Variants in PCDH9 observed in about 807,000 individuals in gnomAD.
PCDH9 encodes protocadherin-9.
Under a neutral mutation model 70.6 loss-of-function variants are expected in PCDH9, and 24 were observed. That is an observed-to-expected ratio of 0.34 (90% CI 0.25 to 0.48). The LOEUF (loss-of-function observed/expected upper bound fraction) is 0.48, where lower values mean the gene tolerates loss of function less well. Ranked by LOEUF, PCDH9 falls within the 20% of genes least tolerant of loss-of-function variation. The pLI, the probability that PCDH9 is intolerant of heterozygous loss-of-function variation, is 0.99. For missense variants in PCDH9, 1,281 were observed against 1,503.6 expected (o/e 0.85, Z 2.45); for synonymous variants, 562 against 558.5 (o/e 1.01, Z -0.09).
intron 2 of PCDH9, among the ~76,000 whole-genome samples, chr13:67,010,088 T>C (rs1366738741): frequency 1.3e-5 from 2 of 152,006 alleles, no homozygotes; most frequent in African/African-American, 4.8e-5. Context: ...TAAAAGCTTA[T>C]ATTTATTGAA....
chr13:66,798,465 T>C (rs1339023503), intron 3 of PCDH9, among the ~76,000 whole-genome samples: 2 of 152,050 alleles, frequency 1.3e-5, no homozygotes, highest in Non-Finnish European at 2.9e-5. Context: ...GTTCCAGAGA[T>C]AAGTGGTTCA....
At chr13:66,610,250 G>C (rs2138868877) in intron 4 of PCDH9, among the ~76,000 whole-genome samples, 1 of 152,182 alleles carries the variant, frequency 6.6e-6, no homozygotes, top group South Asian at 2.1e-4. Flanking sequence ...GGAAAAAAGA[G>C]AGAGAGCAAC....
intron 2 of PCDH9, among the ~76,000 whole-genome samples, chr13:66,962,094 A>C (rs1409340761): frequency 1.3e-5 from 2 of 152,106 alleles, no homozygotes; most frequent in African/African-American, 4.8e-5. Context: ...AGAAAAAAAA[A>C]CATAGATATC....
At chr13:66,943,163 C>A (rs934485704) in intron 2 of PCDH9, among the ~76,000 whole-genome samples, 11 of 151,924 alleles carry the variant, frequency 7.2e-5, no homozygotes, top group African/African-American at 2.7e-4. Flanking sequence ...CAGGTTGTTA[C>A]CTTCATATGC....
intron 2 of PCDH9, among the ~76,000 whole-genome samples, chr13:66,966,979 A>C (rs1346832743): frequency 6.6e-6 from 1 of 152,068 alleles, no homozygotes; most frequent in Non-Finnish European, 1.5e-5. Flanking sequence ...CAAATATATG[A>C]ATAAATAAAC....
chr13:66,893,377 GA>G (rs1487466013), intron 3 of PCDH9, among the ~76,000 whole-genome samples: 1 of 152,136 alleles, frequency 6.6e-6, no homozygotes, highest in African/African-American at 2.4e-5. Flanking sequence ...ATTTTTGTCA[GA>G]AGCCTTAGAT....
intron 3 of PCDH9, among the ~76,000 whole-genome samples, chr13:66,827,992 A>G (rs2080855000): frequency 6.6e-6 from 1 of 152,242 alleles, no homozygotes; most frequent in South Asian, 2.1e-4. Context: ...TAAAAAATAT[A>G]AAAATAGATC....
intron 4 of PCDH9, among the ~76,000 whole-genome samples, chr13:66,503,127 A>T (rs1959185583): frequency 6.6e-6 from 1 of 152,218 alleles, no homozygotes; most frequent in Admixed American, 6.5e-5. Flanking sequence ...AAACATGCTT[A>T]TTATCTACAA....
At chr13:66,985,961 G>A (rs972411259) in intron 2 of PCDH9, among the ~76,000 whole-genome samples, 1 of 151,914 alleles carries the variant, frequency 6.6e-6, no homozygotes, top group Non-Finnish European at 1.5e-5. Flanking sequence ...CTTTATAAAT[G>A]AATACATTGT....
intron 2 of PCDH9, among the ~76,000 whole-genome samples, chr13:67,009,537 AT>A (rs1013365497): frequency 2.0e-5 from 3 of 152,012 alleles, no homozygotes; most frequent in Non-Finnish European, 2.9e-5. Flanking sequence ...AGCATCTAGG[AT>A]TTTTAATTGA....
chr13:66,318,443 C>G (rs1033275559), intron 4 of PCDH9, among the ~76,000 whole-genome samples: 22 of 152,106 alleles, frequency 1.4e-4, no homozygotes, highest in African/African-American at 5.3e-4. Flanking sequence ...CCATTGTCAT[C>G]ACACTTTTAT....
At chr13:66,839,600 C>T (rs2081082268) in intron 3 of PCDH9, among the ~76,000 whole-genome samples, 1 of 152,122 alleles carries the variant, frequency 6.6e-6, no homozygotes, top group Admixed American at 6.5e-5. Context: ...TCTTCATCTC[C>T]CTGTCTCCAC....
rs539994403 is a variant in PCDH9, at chr13:67,173,991, A to G, written c.3036+51414T>C. On this transcript the variant is annotated intron_variant, in intron 2 of 4. Coordinates refer to ENST00000377865, the MANE Select transcript of PCDH9 (RefSeq NM_203487.3). ...GAGGGGTCAAAAAACATACCAATTC[A>G]TATGATATTAAAGTTTATAATTAAT... Among the ~76,000 whole-genome samples the G allele has an allele frequency of 1.7e-4, 26 of 152,298 alleles. No homozygotes were observed. The East Asian group carries it at 5.0e-3, about 29-fold the overall frequency.
rs112250425 is a variant in PCDH9, at chr13:66,820,244, T to C, written c.3138+83260A>G. 9.8e-3 allele frequency among the ~76,000 whole-genome samples: 1,494 copies of C among 152,292 alleles called. 15 individuals carry two copies. Among genetic ancestry groups the C allele is most frequent in the Non-Finnish European group, 0.015 (1,012 of 68,012 alleles). On this transcript the variant is annotated intron_variant, in intron 3 of 4. Transcript: ENST00000377865. ...AAGCCATATTATACACTATGCACTG[T>C]ATTAAATACTACTGCAAGATAAAAG...
At chr13:67,221,438 C>T (rs529907100) in intron 2 of PCDH9, 2 of 152,132 alleles carry the variant, frequency 1.3e-5, no homozygotes, top group African/African-American at 2.4e-5. Flanking sequence ...CACTTAAGTA[C>T]AGCACGCATA....
intron 3 of PCDH9, among the ~76,000 whole-genome samples, chr13:66,755,509 A>G (rs564787086): frequency 1.8e-4 from 27 of 152,298 alleles, no homozygotes; most frequent in African/African-American, 6.5e-4. Context: ...TACTCTACTG[A>G]GTCGAGGACT....
chr13:67,142,673 T>C (rs2087424053), intron 2 of PCDH9, among the ~76,000 whole-genome samples: 1 of 151,848 alleles, frequency 6.6e-6, no homozygotes, highest in Non-Finnish European at 1.5e-5. Context: ...CCAGGAAAAT[T>C]ATGGTTGGAT....
Position 67,069,532 on chromosome 13 carries a change from G to A in PCDH9, c.3036+155873C>T, listed in dbSNP as rs1298952165. 5.9e-5 allele frequency among the ~76,000 whole-genome samples: 9 copies of A among 152,184 alleles called. 1 individual carries two copies. The highest frequency in any genetic ancestry group is 4.1e-4 in the South Asian group (2 of 4,822). ...CGAAACCATAGGGTAATAGGATTAC[G>A]TCAGCCTCAAAAGCATCAGACCAGT... is the stretch of plus-strand genomic sequence containing the variant. On this transcript the variant is annotated intron_variant, in intron 2 of 4. Coordinates refer to ENST00000377865, the MANE Select transcript of PCDH9 (RefSeq NM_203487.3).
chr13:66,917,255 G>A (rs1312471215), intron 2 of PCDH9, among the ~76,000 whole-genome samples: 2 of 151,400 alleles, frequency 1.3e-5, no homozygotes, highest in Admixed American at 6.6e-5. Context: ...CCACGAAACT[G>A]GGCCTTTGAG....
Sources: allele counts gnomAD v4.1 joint callset (sites outside exome capture counted in the v4.1 genomes callset), GRCh38; gene constraint gnomAD v4.1.1; transcripts MANE v1.5; gene names NCBI Gene and HGNC (gene_info 2026-07-23, HGNC 2026-07-21).